Variants in CERS3 observed in about 807,000 individuals in gnomAD.
CERS3 encodes the protein ceramide synthase 3, also known as LAG1 homolog, ceramide synthase 3.
A neutral mutation model predicts 50.3 loss-of-function variants in CERS3; 33 were observed. That is an observed-to-expected ratio of 0.66 (90% confidence interval 0.50 to 0.88). The LOEUF (loss-of-function observed/expected upper bound fraction) is 0.88. Among genes scored for constraint, CERS3 ranks in the 40% least tolerant of loss-of-function variants. CERS3 has a pLI of 0.00. For missense variants in CERS3, 470 were observed against 460.3 expected (o/e 1.02, Z -0.19); for synonymous variants, 176 against 155.2 (o/e 1.13, Z -0.99).
intron 5 of CERS3, among the ~76,000 whole-genome samples, chr15:100,483,787 A>ATTTATTTTT (rs1555530337): frequency 1.0e-5 from 1 of 100,040 alleles, no homozygotes; most frequent in Non-Finnish European, 1.9e-5. Context: ...TATTATTATT[A>ATTTATTTTT]TTTTTTTTTT....
chr15:100,434,363 C>A (rs1005830862), intron 11 of CERS3, among the ~76,000 whole-genome samples: 1 of 152,192 alleles, frequency 6.6e-6, no homozygotes, highest in Admixed American at 6.5e-5. Flanking sequence ...CTTTGAGCAC[C>A]CAGAGTTCCA....
intron 10 of CERS3, among the ~76,000 whole-genome samples, chr15:100,469,028 C>A (rs182886872): frequency 2.0e-5 from 3 of 152,140 alleles, no homozygotes; most frequent in Non-Finnish European, 4.4e-5. Flanking sequence ...ACAGAACATA[C>A]CTCTCTTTTA....
At chr15:100,436,727 G>A (rs903129816) in intron 11 of CERS3, among the ~76,000 whole-genome samples, 2 of 152,014 alleles carry the variant, frequency 1.3e-5, no homozygotes, top group African/African-American at 4.8e-5. Flanking sequence ...ATAGTGATAG[G>A]ACACCAGCTA....
At chr15:100,503,584 T>C (rs1596776003) in intron 2 of CERS3, 1 of 412,816 alleles carries the variant, frequency 2.4e-6, no homozygotes, top group South Asian at 1.8e-5. Context: ...CCATAGGGTG[T>C]CTTTGTGCTG....
chr15:100,441,245 C>T (rs1163921454), intron 11 of CERS3, among the ~76,000 whole-genome samples: 1 of 150,062 alleles, frequency 6.7e-6, no homozygotes, highest in Non-Finnish European at 1.5e-5. Context: ...TCTCTGTGCC[C>T]CTACCCCTTA....
chr15:100,497,885 ACACACACACAC>A (rs2035871559), intron 3 of CERS3, among the ~76,000 whole-genome samples: 1 of 75,074 alleles, frequency 1.3e-5, no homozygotes, highest in South Asian at 4.1e-4. Flanking sequence ...ACACACACAC[ACACACACACAC>A]TTTTTTTTTT....
intron 1 of CERS3, among the ~76,000 whole-genome samples, chr15:100,526,356 C>T (rs4246316): frequency 0.65 from 98,456 of 152,072 alleles, 32,562 homozygotes; most frequent in East Asian, 0.9. Flanking sequence ...CGATACACTC[C>T]GTGCTCTGTG....
intron 11 of CERS3, among the ~76,000 whole-genome samples, chr15:100,428,417 AAGAC>A (rs1264287653): frequency 1.3e-5 from 2 of 152,220 alleles, no homozygotes; most frequent in Non-Finnish European, 2.9e-5. Context: ...AATCAACCAA[AAGAC>A]AGACAGTTCA....
intron 4 of CERS3, among the ~76,000 whole-genome samples, chr15:100,487,991 C>T (rs371734657): frequency 2.0e-5 from 3 of 152,160 alleles, no homozygotes; most frequent in African/African-American, 4.8e-5. Flanking sequence ...TGTTACTACA[C>T]GTTACCTATA....
chr15:100,409,877 G>C (rs1408468096), intron 11 of CERS3, among the ~76,000 whole-genome samples: 1 of 152,184 alleles, frequency 6.6e-6, no homozygotes. Flanking sequence ...AGAGTGGAGG[G>C]GTGGACCTGG....
At chr15:100,541,625 G>A (rs1023011428) in intron 1 of CERS3, among the ~76,000 whole-genome samples, 5 of 152,220 alleles carry the variant, frequency 3.3e-5, no homozygotes, top group African/African-American at 1.2e-4. Context: ...TTTCTTTGTT[G>A]GGTGCTGTTT....
intron 1 of CERS3, among the ~76,000 whole-genome samples, chr15:100,536,128 C>T (rs981546252): frequency 7.9e-6 from 1 of 126,422 alleles, no homozygotes; most frequent in Non-Finnish European, 1.7e-5. Flanking sequence ...CATATGTGCA[C>T]GGGAAGTGGG....
intron 1 of CERS3, among the ~76,000 whole-genome samples, chr15:100,543,635 T>C (rs1434345192): frequency 6.6e-6 from 1 of 151,944 alleles, no homozygotes; most frequent in Non-Finnish European, 1.5e-5. Context: ...GTTCAAGCGA[T>C]TCTCCTGCCT....
At chr15:100,529,682 C>T (rs948086701), upstream of CERS3, among the ~76,000 whole-genome samples, 6 of 152,168 alleles carry the variant, frequency 3.9e-5, no homozygotes, top group African/African-American at 1.4e-4. Context: ...AAGCCATTTT[C>T]ACTTTCTCTT....
chr15:100,435,596 T>C (rs1006175497), intron 11 of CERS3, among the ~76,000 whole-genome samples: 5 of 152,088 alleles, frequency 3.3e-5, no homozygotes, highest in Admixed American at 1.3e-4. Flanking sequence ...CCAAAAGCAA[T>C]GGCAACAAAA....
At chr15:100,519,158 C>CAA (rs11303130) in intron 2 of CERS3, among the ~76,000 whole-genome samples, 3 of 144,602 alleles carry the variant, frequency 2.1e-5, no homozygotes, top group African/African-American at 5.1e-5. Flanking sequence ...GACTCCATCT[C>CAA]AAAAAAAAAA....
intron 4 of CERS3, among the ~76,000 whole-genome samples, chr15:100,487,458 T>C (rs1193319317): frequency 6.6e-6 from 1 of 152,240 alleles, no homozygotes; most frequent in Non-Finnish European, 1.5e-5. Flanking sequence ...GGAAGTTTAA[T>C]CTGTCCATCT....
intron 11 of CERS3, among the ~76,000 whole-genome samples, chr15:100,427,208 A>T (rs1419965885): frequency 2.0e-5 from 3 of 151,496 alleles, no homozygotes; most frequent in Non-Finnish European, 4.4e-5. Flanking sequence ...AGGCCTTGTG[A>T]TGGCTACTTC....
rs73475754 is a variant in CERS3, at chr15:100,521,999, C to T, written c.-91-243G>A. The stretch of plus-strand genomic sequence containing the variant: ...CCAGATTTGCAGCTTCACTCAGAAA[C>T]TCAGAAGACTGGCAAGAATCACTGG... On this transcript the variant is annotated intron_variant, in intron 1 of 11. Coordinates refer to ENST00000679737, the MANE Select transcript of CERS3 (RefSeq NM_001378789.1). Among the ~76,000 whole-genome samples the T allele has an allele frequency of 8.5e-3, 1,299 of 152,104 alleles. 23 individuals are homozygous for T. Among genetic ancestry groups the T allele is most frequent in the African/African-American group, 0.029 (1,221 of 41,452 alleles).
Sources: allele counts gnomAD v4.1 joint callset (sites outside exome capture counted in the v4.1 genomes callset), GRCh38; gene constraint gnomAD v4.1.1; transcripts MANE v1.5; gene names NCBI Gene and HGNC (gene_info 2026-07-23, HGNC 2026-07-21).